The following PPP2R5C variants were observed in gnomAD, a reference collection of about 807,000 sequenced individuals.
The protein encoded by PPP2R5C is protein phosphatase 2 regulatory subunit B'gamma.
Under a neutral mutation model 68.9 loss-of-function variants are expected in PPP2R5C, and 7 were observed. That is an observed-to-expected ratio of 0.10 (90% CI 0.06 to 0.19). The LOEUF is 0.19. Among genes scored for constraint, PPP2R5C ranks in the 10% least tolerant of loss-of-function variants. The pLI, the probability that PPP2R5C is intolerant of heterozygous loss-of-function variation, is 1.00. For synonymous variants in PPP2R5C, 210 were observed against 222.2 expected (o/e 0.95, Z 0.49); for missense variants, 348 against 641.3 (o/e 0.54, Z 4.94).
At chr14:101,823,772 A>G (rs2040230012) in intron 1 of PPP2R5C, 2 of 1,115,240 alleles carry the variant, frequency 1.8e-6, no homozygotes, top group African/African-American at 3.2e-5. Flanking sequence ...CTCTCTGAGC[A>G]TGCACTGAGC....
At chr14:101,768,778 T>C (rs2139955185) in intron 2 of PPP2R5C, among the ~76,000 whole-genome samples, 1 of 152,098 alleles carries the variant, frequency 6.6e-6, no homozygotes, top group East Asian at 1.9e-4. Context: ...ACCCCTCTTT[T>C]AGAATGCTCT....
intron 8 of PPP2R5C, among the ~76,000 whole-genome samples, chr14:101,896,264 C>A (rs1374829581): frequency 2.0e-5 from 3 of 151,912 alleles, no homozygotes; most frequent in Non-Finnish European, 2.9e-5. Context: ...AAGTGATCCA[C>A]CCGCCTCAGC....
chr14:101,881,937 T>C (rs1741158), intron 2 of PPP2R5C, among the ~76,000 whole-genome samples: 36,952 of 152,040 alleles, frequency 0.24, 5,725 homozygotes, highest in African/African-American at 0.44. Context: ...CCAAGTAACT[T>C]TGGTGGTCAA....
At chr14:101,897,849 T>A (rs1050411131) in intron 8 of PPP2R5C, among the ~76,000 whole-genome samples, 4 of 151,938 alleles carry the variant, frequency 2.6e-5, no homozygotes, top group Non-Finnish European at 4.4e-5. Flanking sequence ...CTCTCCCACC[T>A]TTTCCTATTC....
intron 1 of PPP2R5C, chr14:101,836,342 G>A (rs993787486): frequency 4.0e-5 from 28 of 702,220 alleles, no homozygotes; most frequent in Non-Finnish European, 6.5e-5. Flanking sequence ...CTCTACTCCC[G>A]ACCTGCCAGC....
chr14:101,917,543 C>T lies in PPP2R5C; in HGVS notation c.1327-288C>T, dbSNP rs1306651042. ...CTTGGCTGCTCACGTGGAGTCAGAA[C>T]TGCAGAGGCCATGGGGTGTGGGCCA... On this transcript the variant is annotated intron_variant, in intron 12 of 13. Transcript: ENST00000334743. This position sits in a 1 kb window ranked among gnomAD's most constrained non-coding sequence, Gnocchi z 4.4. Among the ~76,000 whole-genome samples, 1 of 151,694 alleles carries T rather than the reference C, an allele frequency of 6.6e-6. No homozygotes were observed. The highest frequency in any genetic ancestry group is 1.5e-5 in the Non-Finnish European group (1 of 67,994).
intron 3 of PPP2R5C, among the ~76,000 whole-genome samples, chr14:101,801,911 G>A (rs72715650): frequency 0.032 from 4,913 of 152,228 alleles, 112 homozygotes; most frequent in Non-Finnish European, 0.051. Flanking sequence ...CACCAAAGTT[G>A]GAGGACTCAC....
rs61386507 is a variant in PPP2R5C at position 101,879,179 on chromosome 14, G to GGGGCTTT, written c.295-2980_295-2974dup. The GGGGCTTT allele has an allele frequency of 0.11, 16,220 of 152,246 alleles. 964 individuals carry two copies. The highest frequency in any genetic ancestry group is 0.14 in the African/African-American group (5,857 of 41,502). The allele number at this position is 152,246 out of a possible 1,614,324, so 9.4% of individuals were successfully genotyped here. A position where few individuals can be genotyped will look rare whatever the true frequency, so the allele number is the denominator to read the frequency against. ...GAGCCCCTCTTGCCCGCCCTCCCCC[G>GGGGCTTT]GGGCTTTGAGCAGAACCCAGAGCAG... On this transcript the variant is annotated intron_variant, in intron 2 of 13. Transcript: ENST00000334743. The surrounding 1 kb of genome is among the most constrained non-coding windows in gnomAD (Gnocchi z 4.2).
At chr14:101,874,670 A>G (rs1215747366) in intron 2 of PPP2R5C, among the ~76,000 whole-genome samples, 1 of 152,228 alleles carries the variant, frequency 6.6e-6, no homozygotes, top group African/African-American at 2.4e-5. Context: ...AGAAAATTAA[A>G]ATATTCATTG....
At chr14:101,828,196 T>A (rs2140315517) in intron 1 of PPP2R5C, among the ~76,000 whole-genome samples, 1 of 152,074 alleles carries the variant, frequency 6.6e-6, no homozygotes, top group Non-Finnish European at 1.5e-5. Flanking sequence ...AATAGGCAAA[T>A]CCATAGAGAC....
chr14:101,861,682 G>A (rs57596817), intron 2 of PPP2R5C, among the ~76,000 whole-genome samples: 3,740 of 152,288 alleles, frequency 0.025, 56 homozygotes, highest in Middle Eastern at 0.048. Context: ...TTCTGCTGCC[G>A]GCGCCAGTCA....
chr14:101,814,285 CA>C (rs1167623651), intron 1 of PPP2R5C, among the ~76,000 whole-genome samples: 1 of 152,220 alleles, frequency 6.6e-6, no homozygotes, highest in African/African-American at 2.4e-5. Context: ...CAGCTCTCTG[CA>C]AAGTGACTTT....
At position 101,882,358 on chromosome 14, in the gene PPP2R5C, C is replaced by A; in HGVS notation, c.405+87C>A. On this transcript the variant is annotated intron_variant, in intron 3 of 13. Transcript: ENST00000334743. The surrounding 1 kb of genome is among the most constrained non-coding windows in gnomAD (Gnocchi z 4.9). ...CCACAGAGCGGGCGCACTGGTCTGG[C>A]CAGATGGACCTCTCCTCCTCAGTAG... 2 of 911,530 alleles carry A rather than the reference C, an allele frequency of 2.2e-6. No homozygotes were observed. Among genetic ancestry groups the A allele is most frequent in the Non-Finnish European group, 3.3e-6 (2 of 604,172 alleles). 56.5% of individuals were successfully genotyped at this position (911,530 alleles called of 1,614,324 possible). A position where few individuals can be genotyped will look rare whatever the true frequency, so the allele number is the denominator to read the frequency against.
chr14:101,850,787 A>T (rs948804002), intron 1 of PPP2R5C, among the ~76,000 whole-genome samples: 1 of 152,194 alleles, frequency 6.6e-6, no homozygotes, highest in Non-Finnish European at 1.5e-5. Flanking sequence ...AAAAAGTGGC[A>T]TGTGAATATT....
At chr14:101,886,763 T>C (rs1267781412) in intron 5 of PPP2R5C, among the ~76,000 whole-genome samples, 1 of 149,710 alleles carries the variant, frequency 6.7e-6, no homozygotes, top group African/African-American at 2.5e-5. Context: ...TCTCACTCTG[T>C]CACCCAGGCT....
intron 1 of PPP2R5C, among the ~76,000 whole-genome samples, chr14:101,855,968 G>A (rs1036424950): frequency 6.6e-6 from 1 of 152,204 alleles, no homozygotes; most frequent in Admixed American, 6.5e-5. Context: ...AATAGTTACC[G>A]TTATTGCTGT....
At chr14:101,823,182 A>G (rs1168293090) in intron 1 of PPP2R5C, among the ~76,000 whole-genome samples, 1 of 152,232 alleles carries the variant, frequency 6.6e-6, no homozygotes, top group Non-Finnish European at 1.5e-5. Flanking sequence ...GTTCTTTGGC[A>G]GGAAATGGGG....
intron 1 of PPP2R5C, among the ~76,000 whole-genome samples, chr14:101,823,120 T>G (rs778933741): frequency 1.2e-4 from 19 of 152,220 alleles, no homozygotes; most frequent in Non-Finnish European, 2.4e-4. Flanking sequence ...TACTTGACAT[T>G]TAAATGTTTA....
chr14:101,905,086 G>A (rs2045946020), intron 9 of PPP2R5C, among the ~76,000 whole-genome samples: 1 of 152,258 alleles, frequency 6.6e-6, no homozygotes, highest in South Asian at 2.1e-4. Context: ...GAGTGCAGTG[G>A]CTCACGCCTG....
Sources: gnomAD v4.1 joint callset for allele counts (sites outside exome capture counted in the v4.1 genomes callset) on GRCh38, gnomAD v4.1.1 for gene constraint, Gnocchi (gnomAD v3.1) non-coding constraint, MANE v1.5 for transcripts, NCBI Gene and HGNC (gene_info 2026-07-23, HGNC 2026-07-21) for gene names.